Variants in MMD observed in about 807,000 individuals in gnomAD.
The protein encoded by MMD is monocyte to macrophage differentiation associated.
MMD carries 22 observed loss-of-function variants against 33.6 expected under a neutral mutation model. The ratio of observed to expected loss-of-function variants is 0.66; its 90% CI spans 0.47 to 0.94. The LOEUF (loss-of-function observed/expected upper bound fraction) is 0.94. Among genes scored for constraint, MMD ranks in the 40% least tolerant of loss-of-function variants. The pLI, the probability that MMD is intolerant of heterozygous loss-of-function variation, is 0.00. For synonymous variants in MMD, 97 were observed against 103.2 expected (o/e 0.94, Z 0.36); for missense variants, 242 against 309.8 (o/e 0.78, Z 1.64).
At chr17:55,421,380 A>C (rs1908179664) in intron 1 of MMD, among the ~76,000 whole-genome samples, 1 of 152,040 alleles carries the variant, frequency 6.6e-6, no homozygotes, top group South Asian at 2.1e-4. Context: ...CCCAGGAGCA[A>C]AGGGATCCCC....
intron 6 of MMD, among the ~76,000 whole-genome samples, chr17:55,395,414 A>G (rs2143113183): frequency 6.6e-6 from 1 of 152,344 alleles, no homozygotes; most frequent in Middle Eastern, 3.4e-3. Context: ...AGATCACGGC[A>G]GGGCCTTGGA....
chr17:55,418,655 C>T (rs1204417880), intron 1 of MMD, among the ~76,000 whole-genome samples: 1 of 152,222 alleles, frequency 6.6e-6, no homozygotes, highest in Non-Finnish European at 1.5e-5. Flanking sequence ...AAAGTGTCTA[C>T]TGTCAATAGT....
At chr17:55,399,633 T>C (rs1337069326) in intron 6 of MMD, among the ~76,000 whole-genome samples, 2 of 152,230 alleles carry the variant, frequency 1.3e-5, no homozygotes, top group African/African-American at 2.4e-5. Context: ...TTCTACATGT[T>C]TTTCCAAATC....
rs1477419873 is a variant in MMD at position 55,393,067 on chromosome 17, A to C, written c.*1267T>G. On this transcript the variant is annotated 3_prime_UTR_variant, in exon 7 of 7. Transcript: ENST00000262065. ...AAAGGCAAGCCTATTTCATTTATTA[A>C]AACACCAACAAGAGAGATTAATCAA... The C allele has an allele frequency of 6.6e-6, 1 of 152,160 alleles. No individual in the cohort carries two copies. Among genetic ancestry groups the C allele is most frequent in the Non-Finnish European group, 1.5e-5 (1 of 68,018 alleles). The allele number at this position is 152,160 out of a possible 1,614,324, so 9.4% of individuals were successfully genotyped here. A position where few individuals can be genotyped will look rare whatever the true frequency, so the allele number is the denominator to read the frequency against.
chr17:55,397,578 G>A (rs1216395091), intron 6 of MMD, among the ~76,000 whole-genome samples: 1 of 151,804 alleles, frequency 6.6e-6, no homozygotes, highest in African/African-American at 2.4e-5. Context: ...AGGCTGGAGT[G>A]CAGTGGCCCG....
At position 55,411,375 on chromosome 17, in the gene MMD, G is replaced by C; in HGVS notation, c.151C>G (p.Arg51Gly). ...PAIVGSALLH[R>G]LSDDCWEKIT... ...TTTTCCCAGCAGTCATCAGACAGCCGATGGAGGAGGGCACTGCCCACGATG... is the reference window on the plus strand; with the variant it reads ...TTTTCCCAGCAGTCATCAGACAGCCCATGGAGGAGGGCACTGCCCACGATG... Residue 51 changes from arginine (R) to glycine (G), a missense_variant, in exon 3 of 7, where the codon CGG (arginine) becomes GGG (glycine). By Grantham distance (125) the Arg-to-Gly change is moderately radical. Transcript: ENST00000262065. 1 of 1,614,054 alleles carries C rather than the reference G, an allele frequency of 6.2e-7. No homozygotes were observed. Among genetic ancestry groups the C allele is most frequent in the Non-Finnish European group, 8.5e-7 (1 of 1,179,952 alleles).
intron 1 of MMD, among the ~76,000 whole-genome samples, chr17:55,415,997 G>C (rs1321489243): frequency 6.6e-6 from 1 of 152,128 alleles, no homozygotes; most frequent in Non-Finnish European, 1.5e-5. Context: ...TAGCAAAAAA[G>C]AAAATAATTA....
At chr17:55,417,126 G>A (rs1349446644) in intron 1 of MMD, among the ~76,000 whole-genome samples, 2 of 152,166 alleles carry the variant, frequency 1.3e-5, no homozygotes. Context: ...TGCCCACTGA[G>A]TAGATCTGCA....
At chr17:55,414,706 T>G (rs1598435283) in intron 1 of MMD, among the ~76,000 whole-genome samples, 1 of 152,146 alleles carries the variant, frequency 6.6e-6, no homozygotes, top group African/African-American at 2.4e-5. Flanking sequence ...CTCTTAAAAT[T>G]TATAAAGCTT....
Position 55,399,235 on chromosome 17 carries a change from G to T in MMD, c.516+2234C>A, listed in dbSNP as rs1322292674. On this transcript the variant is annotated intron_variant, in intron 6 of 6. Transcript: ENST00000262065. Reference sequence around the variant, plus strand: ...CAAGGATCACAGTCCTGTACTGTTTGGGTTCAGAGCCAAAAAAACAGTTGC... The same window carrying T: ...CAAGGATCACAGTCCTGTACTGTTTTGGTTCAGAGCCAAAAAAACAGTTGC... Among the ~76,000 whole-genome samples, 3 of 128,658 alleles carry T rather than the reference G, an allele frequency of 2.3e-5. No individual in the cohort carries two copies. The East Asian group carries it at 5.9e-4, about 25-fold the overall frequency. The allele number at this position is 128,658 out of a possible 152,430, so 84.4% of individuals were successfully genotyped here. A position where few individuals can be genotyped will look rare whatever the true frequency, so the allele number is the denominator to read the frequency against.
chr17:55,417,676 T>C (rs913791341), intron 1 of MMD, among the ~76,000 whole-genome samples: 1 of 152,154 alleles, frequency 6.6e-6, no homozygotes, highest in African/African-American at 2.4e-5. Flanking sequence ...TGTATGCCTG[T>C]AGCCCCAGCT....
In MMD at chr17:55,394,214, C is replaced by A; in HGVS notation, c.*120G>T. The A allele has an allele frequency of 1.3e-6, 1 of 743,408 alleles. No individual in the cohort carries two copies. Among genetic ancestry groups the A allele is most frequent in the Non-Finnish European group, 2.0e-6 (1 of 505,400 alleles). 46.1% of individuals were successfully genotyped at this position (743,408 alleles called of 1,614,324 possible). ...TTTATACTTTCACAGTAATTATATT[C>A]AAAAGATATAAAGTCAGTGCAGTTA... On this transcript the variant is annotated 3_prime_UTR_variant, in exon 7 of 7. Transcript: ENST00000262065.
chr17:55,407,531 T>C (rs1391541490), intron 4 of MMD, among the ~76,000 whole-genome samples: 1 of 151,962 alleles, frequency 6.6e-6, no homozygotes, highest in Non-Finnish European at 1.5e-5. Context: ...TACCCAGATA[T>C]TATAAACAGC....
At chr17:55,410,247 G>A (rs975580704) in intron 3 of MMD, among the ~76,000 whole-genome samples, 1 of 152,184 alleles carries the variant, frequency 6.6e-6, no homozygotes, top group Admixed American at 6.5e-5. Context: ...TTCTGCATGT[G>A]AGGAAACCAG....
At chr17:55,398,333 A>C (rs1295462586) in intron 6 of MMD, among the ~76,000 whole-genome samples, 3 of 151,480 alleles carry the variant, frequency 2.0e-5, no homozygotes, top group African/African-American at 7.3e-5. Flanking sequence ...TTCTTAAGAC[A>C]TCACAGTTTT....
rs1402800335 is a variant in MMD, at chr17:55,393,258, A to C, written c.*1076T>G. On this transcript the variant is annotated 3_prime_UTR_variant, in exon 7 of 7. Coordinates refer to ENST00000262065, the MANE Select transcript of MMD (RefSeq NM_012329.3). ...TTTAAATATTTTTTCTAGGAAAAAA[A>C]AAAAAAAACACAATATATGAGAAGA... is the stretch of plus-strand genomic sequence containing the variant. The C allele has an allele frequency of 6.6e-6, 1 of 152,094 alleles. No homozygotes were observed. Among genetic ancestry groups the C allele is most frequent in the Non-Finnish European group, 1.5e-5 (1 of 68,000 alleles). 9.4% of individuals were successfully genotyped at this position (152,094 alleles called of 1,614,324 possible). A position where few individuals can be genotyped will look rare whatever the true frequency, so the allele number is the denominator to read the frequency against.
chr17:55,407,923 C>T, intron 3 of MMD, 103 bp from the exon 4 acceptor site: 2 of 765,022 alleles, frequency 2.6e-6, no homozygotes, highest in South Asian at 4.3e-5. Flanking sequence ...TTCTAGTTCT[C>T]ATGGCCTTTA....
At chr17:55,414,740 T>G (rs1305571897) in intron 1 of MMD, among the ~76,000 whole-genome samples, 1 of 152,200 alleles carries the variant, frequency 6.6e-6, no homozygotes, top group Non-Finnish European at 1.5e-5. Context: ...CTTTAAACCC[T>G]ACATCCCATG....
intron 1 of MMD, 79 bp from the exon 2 acceptor site, chr17:55,414,311 T>C: frequency 1.5e-6 from 2 of 1,308,320 alleles, no homozygotes; most frequent in African/African-American, 1.5e-5. Context: ...AGTGGGTATG[T>C]GGTCTATTCT....
Sources: allele counts gnomAD v4.1 joint callset (sites outside exome capture counted in the v4.1 genomes callset), GRCh38; gene constraint gnomAD v4.1.1; transcripts MANE v1.5; gene names NCBI Gene and HGNC (gene_info 2026-07-23, HGNC 2026-07-21).